RBMS1: variants seen among roughly 807,000 people sequenced by gnomAD.
RBMS1 encodes RNA-binding motif, single-stranded-interacting protein 1.
RBMS1 carries 17 observed loss-of-function variants against 62.3 expected under a neutral mutation model. That is an observed-to-expected ratio of 0.27 (90% CI 0.19 to 0.41). The LOEUF is 0.41. Ranked by LOEUF, RBMS1 falls within the 10% of genes least tolerant of loss-of-function variation. The probability of loss-of-function intolerance (pLI) is 1.00; values close to 1 mark genes in which losing one functional copy is unlikely to be tolerated. For synonymous variants in RBMS1, 172 were observed against 170.0 expected, an observed-to-expected ratio of 1.01 and a Z score of -0.09; for missense variants, 334 against 504.5, an observed-to-expected ratio of 0.66 and a Z score of 3.24.
At chr2:160,309,691 G>T (rs1255682181) in intron 4 of RBMS1, among the ~76,000 whole-genome samples, 1 of 152,178 alleles carries the variant, frequency 6.6e-6, no homozygotes. Flanking sequence ...AGCATTCCAT[G>T]AGAGAAAACA....
At chr2:160,275,550 T>A (rs1306630568) in intron 13 of RBMS1, 80 bp downstream of exon 13, 1 of 1,541,592 alleles carries the variant, frequency 6.5e-7, no homozygotes, top group Non-Finnish European at 8.8e-7. Context: ...GTTATCCCAA[T>A]CACCATTCTG....
At chr2:160,326,676 C>G (rs1690948945) in intron 2 of RBMS1, among the ~76,000 whole-genome samples, 1 of 152,084 alleles carries the variant, frequency 6.6e-6, no homozygotes, top group Non-Finnish European at 1.5e-5. Context: ...AGAGAGATGC[C>G]ACATTTTATT....
chr2:160,493,162 G>T, intron 1 of RBMS1, 127 bp downstream of exon 1: 1 of 929,778 alleles, frequency 1.1e-6, no homozygotes, highest in Non-Finnish European at 1.6e-6. Context: ...GCTATAGTTA[G>T]CAACCTTCCA....
At chr2:160,423,161 C>T (rs2105272548) in intron 1 of RBMS1, among the ~76,000 whole-genome samples, 1 of 152,236 alleles carries the variant, frequency 6.6e-6, no homozygotes, top group Non-Finnish European at 1.5e-5. Context: ...CTTGACTTTC[C>T]CCAGCCCAAC....
intron 1 of RBMS1, among the ~76,000 whole-genome samples, chr2:160,387,184 G>A (rs1001946940): frequency 2.0e-5 from 3 of 152,178 alleles, no homozygotes; most frequent in Non-Finnish European, 4.4e-5. Flanking sequence ...ATGGTTGTCA[G>A]TATAGAAGTT....
intron 1 of RBMS1, among the ~76,000 whole-genome samples, chr2:160,435,355 G>T (rs1683067990): frequency 6.6e-6 from 1 of 152,160 alleles, no homozygotes; most frequent in Non-Finnish European, 1.5e-5. Flanking sequence ...CAAACACTGA[G>T]GTAGGTGGAG....
In RBMS1 at chr2:160,402,320, G is replaced by A. The variant is rs556763605; in HGVS notation, c.76-34929C>T. 1.2e-4 allele frequency among the ~76,000 whole-genome samples: 18 copies of A among 152,282 alleles called. No individual in the cohort carries two copies. The Middle Eastern group carries it at 0.02, about 173-fold the overall frequency. On this transcript the variant is annotated intron_variant, in intron 1 of 13. Transcript: ENST00000348849. The stretch of plus-strand genomic sequence containing the variant: ...CAAGGAGGTAAAATGTGAAACGTGC[G>A]TTATCAGGGCCTAAGGAATATGCTA...
At chr2:160,405,640 A>C (rs1559512270) in intron 1 of RBMS1, among the ~76,000 whole-genome samples, 1 of 152,200 alleles carries the variant, frequency 6.6e-6, no homozygotes, top group Non-Finnish European at 1.5e-5. Context: ...AGAAAAAAGA[A>C]AGTCTGTTTG....
intron 1 of RBMS1, among the ~76,000 whole-genome samples, chr2:160,418,209 C>T (rs955873571): frequency 2.0e-5 from 3 of 152,198 alleles, no homozygotes; most frequent in African/African-American, 4.8e-5. Flanking sequence ...TGGACTGTTA[C>T]TTCTTTGGCA....
intron 3 of RBMS1, 105 bp downstream of exon 3, chr2:160,318,064 G>T (rs375524221): frequency 6.8e-7 from 1 of 1,478,814 alleles, no homozygotes; most frequent in African/African-American, 1.4e-5. Context: ...TATAAGATCT[G>T]GTTTTTAATA....
chr2:160,375,242 T>C (rs2105175920), intron 1 of RBMS1, among the ~76,000 whole-genome samples: 1 of 152,302 alleles, frequency 6.6e-6, no homozygotes, highest in South Asian at 2.1e-4. Context: ...ACTGGCAGAC[T>C]CCAAGGCCAA....
At position 160,290,082 on chromosome 2, in the gene RBMS1, A is replaced by G. The variant is rs542204293; in HGVS notation, c.641-2998T>C. Reference sequence around the variant, plus strand: ...TTTAAGTGTGTGTGAGCGTGTTACAAAATGAGAGATCCTCATTTGGCCAGC... The same window carrying G: ...TTTAAGTGTGTGTGAGCGTGTTACAGAATGAGAGATCCTCATTTGGCCAGC... On this transcript the variant is annotated intron_variant, in intron 6 of 13. Coordinates refer to ENST00000348849, the MANE Select transcript of RBMS1 (RefSeq NM_016836.4). Among the ~76,000 whole-genome samples, 28 of 137,204 alleles carry G rather than the reference A, an allele frequency of 2.0e-4. No homozygotes were observed. In the Admixed American group the frequency reaches 2.0e-3, roughly 10 times the overall value. The allele number at this position is 137,204 out of a possible 152,430, so 90.0% of individuals were successfully genotyped here.
chr2:160,322,461 T>C (rs894915709), intron 2 of RBMS1, among the ~76,000 whole-genome samples: 1 of 152,196 alleles, frequency 6.6e-6, no homozygotes, highest in Non-Finnish European at 1.5e-5. Context: ...GGATGGTGAG[T>C]AGAAAAAGAG....
At chr2:160,391,394 T>A (rs939821518) in intron 1 of RBMS1, among the ~76,000 whole-genome samples, 1 of 151,658 alleles carries the variant, frequency 6.6e-6, no homozygotes, top group Non-Finnish European at 1.5e-5. Flanking sequence ...TGCTGACACC[T>A]TGAACTCAGA....
intron 10 of RBMS1, 32 bp from the exon 11 acceptor site, chr2:160,278,690 CA>C: frequency 7.4e-7 from 1 of 1,356,174 alleles, no homozygotes; most frequent in Non-Finnish European, 1.0e-6. Flanking sequence ...CAAAATTAGA[CA>C]AACTGAGGCA....
At chr2:160,460,519 G>C (rs1263410914) in intron 1 of RBMS1, among the ~76,000 whole-genome samples, 2 of 152,218 alleles carry the variant, frequency 1.3e-5, no homozygotes, top group Admixed American at 6.5e-5. Flanking sequence ...AGGTCAGTGG[G>C]GTGTGACCAC....
At chr2:160,377,615 C>T (rs1412395435) in intron 1 of RBMS1, among the ~76,000 whole-genome samples, 2 of 152,146 alleles carry the variant, frequency 1.3e-5, no homozygotes, top group Non-Finnish European at 2.9e-5. Flanking sequence ...CCAGTATCTG[C>T]TCAGAATAAC....
At chr2:160,286,932 C>T in intron 7 of RBMS1, 37 bp downstream of exon 7, 1 of 1,608,988 alleles carries the variant, frequency 6.2e-7, no homozygotes, top group Non-Finnish European at 8.5e-7. Flanking sequence ...GATCACACCC[C>T]CTCCCCCACC....
At chr2:160,454,990 T>C (rs1205582471) in intron 1 of RBMS1, among the ~76,000 whole-genome samples, 1 of 152,216 alleles carries the variant, frequency 6.6e-6, no homozygotes, top group Non-Finnish European at 1.5e-5. Context: ...AAAAGTTAAA[T>C]TCAAACCACC....
Sources: allele counts gnomAD v4.1 joint callset (sites outside exome capture counted in the v4.1 genomes callset), GRCh38; gene constraint gnomAD v4.1.1; transcripts MANE v1.5; gene names NCBI Gene and HGNC (gene_info 2026-07-23, HGNC 2026-07-21).